BARD1: variants seen among roughly 807,000 people sequenced by gnomAD.
BARD1 encodes the protein BRCA1 associated RING domain 1.
In BARD1, 73 loss-of-function variants were observed where a neutral mutation model predicts 77.0. That is an observed-to-expected ratio of 0.95 (90% CI 0.79 to 1.15). BARD1 has a LOEUF of 1.15. BARD1 is among the 50% of genes most tolerant of loss of function. The pLI is 0.00. For synonymous variants in BARD1, 384 were observed against 338.0 expected (o/e 1.14, Z -1.49); for missense variants, 993 against 938.8 (o/e 1.06, Z -0.75).
At chr2:214,758,093 C>A (rs1209038469) in intron 6 of BARD1, among the ~76,000 whole-genome samples, 2 of 152,046 alleles carry the variant, frequency 1.3e-5, no homozygotes, top group East Asian at 1.9e-4. Flanking sequence ...CAATAAGAAA[C>A]CCTGAACAGC....
intron 1 of BARD1, among the ~76,000 whole-genome samples, chr2:214,798,211 T>C (rs1386199153): frequency 1.3e-5 from 2 of 151,274 alleles, no homozygotes; most frequent in East Asian, 1.9e-4. Flanking sequence ...TTCAGAAAGA[T>C]TGCGAAAAAC....
At position 214,788,800 on chromosome 2, in the gene BARD1, A is replaced by G. The variant is rs567842021; in HGVS notation, c.364+3497T>C. Among the ~76,000 whole-genome samples the G allele has an allele frequency of 5.5e-3, 830 of 152,190 alleles. 8 individuals are homozygous for G. Among genetic ancestry groups the G allele is most frequent in the Non-Finnish European group, 6.6e-3 (446 of 67,978 alleles). ...GAAGACCAACTGTCATTTGTCCCCA[A>G]CTATCAGTTCCTGGTATATAGTTTA... On this transcript the variant is annotated intron_variant, in intron 3 of 10. Transcript: ENST00000260947.
chr2:214,808,126 T>A (rs998501940), intron 1 of BARD1, among the ~76,000 whole-genome samples: 2 of 152,222 alleles, frequency 1.3e-5, no homozygotes, highest in Admixed American at 6.5e-5. Context: ...AAGAAAAAGT[T>A]TGGCCGGGCA....
intron 6 of BARD1, among the ~76,000 whole-genome samples, chr2:214,757,245 T>C (rs1693734872): frequency 6.6e-6 from 1 of 152,048 alleles, no homozygotes; most frequent in Non-Finnish European, 1.5e-5. Context: ...GGCTCTAATT[T>C]TTTTTCTGTT....
At chr2:214,770,104 T>A (rs1694409278) in intron 4 of BARD1, among the ~76,000 whole-genome samples, 1 of 152,218 alleles carries the variant, frequency 6.6e-6, no homozygotes. Flanking sequence ...TATATTCACC[T>A]TATTTGTTCA....
chr2:214,752,757 G>A (rs1477285385), intron 6 of BARD1, among the ~76,000 whole-genome samples: 1 of 152,092 alleles, frequency 6.6e-6, no homozygotes, highest in South Asian at 2.1e-4. Flanking sequence ...TATAGGGATT[G>A]TTTTTACTGA....
At chr2:214,797,676 T>TA (rs950403378) in intron 1 of BARD1, among the ~76,000 whole-genome samples, 8 of 151,842 alleles carry the variant, frequency 5.3e-5, no homozygotes, top group South Asian at 2.1e-4. Context: ...GTTTCCCAAT[T>TA]AAAAAAAACA....
chr2:214,729,116 A>C, intron 10 of BARD1, 108 bp from the exon 11 acceptor site: 3 of 1,293,228 alleles, frequency 2.3e-6, no homozygotes, highest in Non-Finnish European at 3.2e-6. Context: ...CCCTTACCTG[A>C]AACATTTGGA....
At chr2:214,761,998 C>A (rs1202446734) in intron 6 of BARD1, among the ~76,000 whole-genome samples, 1 of 152,070 alleles carries the variant, frequency 6.6e-6, no homozygotes, top group African/African-American at 2.4e-5. Context: ...TCAAGAATAA[C>A]AAATTATATT....
intron 4 of BARD1, among the ~76,000 whole-genome samples, chr2:214,775,381 G>GAA (rs1446794367): frequency 2.6e-5 from 4 of 152,152 alleles, no homozygotes; most frequent in Non-Finnish European, 5.9e-5. Flanking sequence ...AGAGATGGGA[G>GAA]AATTATCAGT....
At chr2:214,807,435 T>C (rs1696325331) in intron 1 of BARD1, among the ~76,000 whole-genome samples, 1 of 152,224 alleles carries the variant, frequency 6.6e-6, no homozygotes. Flanking sequence ...ATTATCTATT[T>C]TGTCTCTCCC....
At chr2:214,798,772 GA>G (rs10707828) in intron 1 of BARD1, among the ~76,000 whole-genome samples, 93,015 of 127,562 alleles carry the variant, frequency 0.73, 32,799 homozygotes, top group East Asian at 0.93. Flanking sequence ...ATTAAAAAAA[GA>G]AAAAAAAAAA....
At chr2:214,731,345 G>A (rs532861423) in intron 9 of BARD1, among the ~76,000 whole-genome samples, 4 of 152,292 alleles carry the variant, frequency 2.6e-5, no homozygotes, top group African/African-American at 9.6e-5. Context: ...GAACCCTTGG[G>A]ATTCCCAGGA....
chr2:214,752,386 T>A, intron 7 of BARD1, 61 bp downstream of exon 7: 1 of 1,421,108 alleles, frequency 7.0e-7, no homozygotes, highest in Non-Finnish European at 9.9e-7. Context: ...TTCTATTATG[T>A]TCCTTTCATA....
At chr2:214,809,294 G>C (rs1318910572) in intron 1 of BARD1, 118 bp downstream of exon 1, 3 of 1,447,646 alleles carry the variant, frequency 2.1e-6, no homozygotes, top group Non-Finnish European at 2.8e-6. Context: ...ACCGCACGCC[G>C]ACCCGACTGC....
chr2:214,747,965 C>A (rs1693220076), intron 7 of BARD1, among the ~76,000 whole-genome samples: 1 of 151,916 alleles, frequency 6.6e-6, no homozygotes, highest in East Asian at 1.9e-4. Context: ...TTTAAAAACA[C>A]TACAGTATTT....
chr2:214,732,829 CT>C (rs1420169835), intron 9 of BARD1, among the ~76,000 whole-genome samples: 1 of 152,144 alleles, frequency 6.6e-6, no homozygotes, highest in East Asian at 1.9e-4. Flanking sequence ...AAACTTTCTT[CT>C]TTATTACCCC....
chr2:214,743,150 T>C (rs955139545), intron 9 of BARD1, among the ~76,000 whole-genome samples: 8 of 152,172 alleles, frequency 5.3e-5, no homozygotes, highest in Non-Finnish European at 1.0e-4. Flanking sequence ...TCAGACTGCA[T>C]TGGTTGAGAC....
chr2:214,773,494 G>A (rs140597560), intron 4 of BARD1, among the ~76,000 whole-genome samples: 238 of 152,216 alleles, frequency 1.6e-3, no homozygotes, highest in Middle Eastern at 3.4e-3. Context: ...CGGAGATACT[G>A]TCAGTTCAGT....
Sources: gnomAD v4.1 joint callset for allele counts (sites outside exome capture counted in the v4.1 genomes callset) on GRCh38, gnomAD v4.1.1 for gene constraint, MANE v1.5 for transcripts, NCBI Gene and HGNC (gene_info 2026-07-23, HGNC 2026-07-21) for gene names.